ACSS2: variants seen among roughly 807,000 people sequenced by gnomAD.
ACSS2 encodes the protein acetyl-coenzyme A synthetase, cytoplasmic.
A neutral mutation model predicts 90.6 loss-of-function variants in ACSS2; 58 were observed. The ratio of observed to expected loss-of-function variants is 0.64; its 90% CI spans 0.52 to 0.80. The LOEUF is 0.80. Among genes scored for constraint, ACSS2 ranks in the 30% least tolerant of loss-of-function variants. The probability of loss-of-function intolerance (pLI) is 0.00; values close to 1 mark genes in which losing one functional copy is unlikely to be tolerated. For missense variants in ACSS2, 759 were observed against 912.0 expected (o/e 0.83, Z 2.16); for synonymous variants, 300 against 330.9 (o/e 0.91, Z 1.01).
chr20:34,914,639 G>C (rs1234750632), intron 7 of ACSS2, among the ~76,000 whole-genome samples: 2 of 152,184 alleles, frequency 1.3e-5, no homozygotes, highest in Non-Finnish European at 1.5e-5. Context: ...CTTGTACCTT[G>C]AGAACATAGC....
intron 2 of ACSS2, among the ~76,000 whole-genome samples, chr20:34,894,528 G>A (rs2147004850): frequency 6.6e-6 from 1 of 151,972 alleles, no homozygotes; most frequent in East Asian, 1.9e-4. Context: ...AGCTGGGTAT[G>A]GTCATGCATG....
In ACSS2 at chr20:34,927,097, G is replaced by A. The variant is rs757422212; in HGVS notation, c.1989G>A (p.Met663Ile). 1.9e-6 allele frequency: 3 copies of A among 1,614,158 alleles called. No individual in the cohort carries two copies. Among genetic ancestry groups the A allele is most frequent in the Non-Finnish European group, 2.5e-6 (3 of 1,180,030 alleles). ...TCTGTGGTTCCCCAGGGAAAATCAT[G>A]AGGCGAGTGCTTCGGAAGATTGCTC... ...GLPKTRSGKI[M>I]RRVLRKIAQN... is the part of the protein sequence containing the mutation. Residue 663 changes from methionine (M) to isoleucine (I), a missense_variant, in exon 18 of 18, where the codon ATG becomes ATA. Transcript: ENST00000360596. The surrounding 1 kb of genome is among the most constrained non-coding windows in gnomAD (Gnocchi z 4.2).
At chr20:34,904,365 C>G (rs1233294477) in intron 2 of ACSS2, among the ~76,000 whole-genome samples, 1 of 151,584 alleles carries the variant, frequency 6.6e-6, no homozygotes, top group Non-Finnish European at 1.5e-5. Flanking sequence ...AGGGCAAAGG[C>G]TCTGAGGTTA....
intron 7 of ACSS2, among the ~76,000 whole-genome samples, chr20:34,919,226 A>C (rs1159567537): frequency 6.6e-6 from 1 of 151,988 alleles, no homozygotes; most frequent in Non-Finnish European, 1.5e-5. Flanking sequence ...TGGGGTAGAG[A>C]TGGGGGTAGG....
At chr20:34,879,997 C>A (rs2080032695) in intron 1 of ACSS2, among the ~76,000 whole-genome samples, 1 of 152,116 alleles carries the variant, frequency 6.6e-6, no homozygotes, top group Non-Finnish European at 1.5e-5. Flanking sequence ...TTAGTCCAGT[C>A]CCTGATACAT....
chr20:34,925,341 G>C (rs1334059578), intron 14 of ACSS2, among the ~76,000 whole-genome samples: 1 of 152,140 alleles, frequency 6.6e-6, no homozygotes, highest in Non-Finnish European at 1.5e-5. Flanking sequence ...CCTCACCATA[G>C]GACTACTCAA....
chr20:34,926,043 T>C, intron 15 of ACSS2, 62 bp from the exon 16 acceptor site: 1 of 1,568,838 alleles, frequency 6.4e-7, no homozygotes, highest in Non-Finnish European at 8.8e-7. Flanking sequence ...TGGGTACAGA[T>C]GGAGCATGGG....
chr20:34,913,599 C>T (rs2081012797), intron 4 of ACSS2, 103 bp downstream of exon 4: 1 of 1,297,958 alleles, frequency 7.7e-7, no homozygotes, highest in African/African-American at 1.5e-5. Flanking sequence ...AACTAAGGAG[C>T]TTAGAAGGTT....
chr20:34,877,901 TAGATAGAC>T (rs897610629), intron 1 of ACSS2, among the ~76,000 whole-genome samples: 4 of 132,418 alleles, frequency 3.0e-5, no homozygotes, highest in East Asian at 2.1e-4. Context: ...AAAGGACAGA[TAGATAGAC>T]AGATAGATAG....
chr20:34,909,034 A>G, intron 2 of ACSS2: 1 of 399,078 alleles, frequency 2.5e-6, no homozygotes, highest in South Asian at 1.8e-5. Flanking sequence ...AATATTTTGC[A>G]GCTGAGAAAG....
At chr20:34,895,612 A>G (rs988754681) in intron 2 of ACSS2, among the ~76,000 whole-genome samples, 4 of 152,226 alleles carry the variant, frequency 2.6e-5, no homozygotes, top group African/African-American at 7.2e-5. Context: ...TACATTCTCA[A>G]ATTGTCCCTT....
chr20:34,883,747 C>A (rs114501536), intron 2 of ACSS2, among the ~76,000 whole-genome samples: 5,370 of 152,240 alleles, frequency 0.035, 315 homozygotes, highest in African/African-American at 0.12. Flanking sequence ...TGCCTGACTC[C>A]TTGCTTGTAC....
intron 2 of ACSS2, among the ~76,000 whole-genome samples, chr20:34,894,680 A>C (rs1052833058): frequency 6.6e-6 from 1 of 152,168 alleles, no homozygotes; most frequent in African/African-American, 2.4e-5. Context: ...GGGAGTCCTA[A>C]TACAACATCT....
chr20:34,896,288 C>T (rs1434756326), intron 2 of ACSS2, among the ~76,000 whole-genome samples: 1 of 152,232 alleles, frequency 6.6e-6, no homozygotes, highest in African/African-American at 2.4e-5. Flanking sequence ...GCAGGAGTCC[C>T]ATACTCTGAA....
intron 1 of ACSS2, among the ~76,000 whole-genome samples, chr20:34,879,496 GACACACACACACACAC>G (rs11467604): frequency 2.0e-5 from 3 of 147,790 alleles, no homozygotes; most frequent in Admixed American, 6.8e-5. Context: ...TCCAGATTCT[GACACACACACACACAC>G]ACACACACAC....
intron 2 of ACSS2, among the ~76,000 whole-genome samples, chr20:34,899,528 C>T (rs145918052): frequency 0.034 from 5,029 of 148,784 alleles, 291 homozygotes; most frequent in African/African-American, 0.12. Flanking sequence ...TTGCTCTTGT[C>T]GCCCAGGCTG....
At position 34,883,007 on chromosome 20, in the gene ACSS2, A is replaced by G; in HGVS notation, c.374+18A>G. ...TTTTACTGGTAAAAATATCTATCTT[A>G]TACTTGGTGGCAGATAAAAACACTC... On this transcript the variant is annotated intron_variant, in intron 2 of 17. Coordinates refer to ENST00000360596, the MANE Select transcript of ACSS2 (RefSeq NM_018677.4). 1 of 1,578,568 alleles carries G rather than the reference A, an allele frequency of 6.3e-7. No homozygotes were observed.
upstream of ACSS2, chr20:34,876,366 T>G: frequency 3.8e-6 from 1 of 260,266 alleles, no homozygotes; most frequent in Non-Finnish European, 6.9e-6. Flanking sequence ...GCCCCGCCCC[T>G]TCTGCTTTCA....
Position 34,920,586 on chromosome 20 carries a change from C to G in ACSS2, c.1020C>G (p.Thr340=). 6.2e-7 allele frequency: 1 copy of G among 1,614,190 alleles called. No homozygotes were observed. The highest frequency in any genetic ancestry group is 8.5e-7 in the Non-Finnish European group (1 of 1,180,024). The part of the protein sequence containing the change: ...VGGYMLYVAT[T]FKYVFDFHAE... ...GCTACATGCTCTATGTAGCCACAAC[C>G]TTCAAGTATGTGTTTGACTTCCATG... is the stretch of plus-strand genomic sequence containing the variant. The change falls in exon 9 of 18, where the codon ACC becomes ACG. Residue 340 remains threonine, a synonymous_variant. Coordinates refer to ENST00000360596, the MANE Select transcript of ACSS2 (RefSeq NM_018677.4).
Sources: gnomAD v4.1 joint callset for allele counts (sites outside exome capture counted in the v4.1 genomes callset) on GRCh38, gnomAD v4.1.1 for gene constraint, Gnocchi (gnomAD v3.1) non-coding constraint, MANE v1.5 for transcripts, NCBI Gene and HGNC (gene_info 2026-07-23, HGNC 2026-07-21) for gene names.